The following GABRG3 variants were observed in gnomAD, a reference collection of about 807,000 sequenced individuals.
The protein encoded by GABRG3 is gamma-aminobutyric acid type A receptor subunit gamma3, also known as gamma-aminobutyric acid receptor subunit gamma-3.
In GABRG3, 25 loss-of-function variants were observed where a neutral mutation model predicts 48.8. That is an observed-to-expected ratio of 0.51 (90% CI 0.37 to 0.72). GABRG3 has a LOEUF of 0.72. Among genes scored for constraint, GABRG3 ranks in the 30% least tolerant of loss-of-function variants. GABRG3 has a pLI of 0.00. For missense variants in GABRG3, 394 were observed against 577.9 expected (o/e 0.68, Z 3.26); for synonymous variants, 227 against 217.6 (o/e 1.04, Z -0.38).
At chr15:27,023,264 C>A (rs1252809093) in intron 2 of GABRG3, among the ~76,000 whole-genome samples, 2 of 152,062 alleles carry the variant, frequency 1.3e-5, no homozygotes, top group Non-Finnish European at 2.9e-5. Context: ...CCTTCATATC[C>A]CCATCTTTCT....
At chr15:27,245,859 C>CA (rs1890253854) in intron 3 of GABRG3, among the ~76,000 whole-genome samples, 1 of 152,106 alleles carries the variant, frequency 6.6e-6, no homozygotes, top group East Asian at 1.9e-4. Flanking sequence ...ATCTCAAAAA[C>CA]AAAAACAGAA....
chr15:27,386,979 T>C (rs111738455), intron 5 of GABRG3, among the ~76,000 whole-genome samples: 1 of 152,226 alleles, frequency 6.6e-6, no homozygotes, highest in Non-Finnish European at 1.5e-5. Flanking sequence ...TTACTGTGCA[T>C]ATAAAAGTTG....
intron 5 of GABRG3, among the ~76,000 whole-genome samples, chr15:27,476,670 T>G (rs899025026): frequency 1.3e-5 from 2 of 151,792 alleles, no homozygotes; most frequent in African/African-American, 4.8e-5. Flanking sequence ...TATACAGAAA[T>G]GAATATACCT....
At chr15:27,489,399 C>T (rs547440141) in intron 6 of GABRG3, among the ~76,000 whole-genome samples, 25 of 152,204 alleles carry the variant, frequency 1.6e-4, no homozygotes, top group African/African-American at 4.3e-4. Flanking sequence ...TACCCAGTTA[C>T]GGGATTGCTG....
At chr15:27,293,984 A>T (rs2140488294) in intron 3 of GABRG3, among the ~76,000 whole-genome samples, 1 of 152,304 alleles carries the variant, frequency 6.6e-6, no homozygotes. Context: ...ATGGTAAAAC[A>T]AAATAAGCAG....
At chr15:27,317,641 G>A (rs186878543) in intron 3 of GABRG3, among the ~76,000 whole-genome samples, 13 of 152,292 alleles carry the variant, frequency 8.5e-5, no homozygotes, top group Admixed American at 2.6e-4. Context: ...AGGGTAAAAC[G>A]TGATTTGACA....
At chr15:27,008,048 C>T (rs1476422055) in intron 2 of GABRG3, among the ~76,000 whole-genome samples, 1 of 152,162 alleles carries the variant, frequency 6.6e-6, no homozygotes. Context: ...AAACATACTA[C>T]AGCTAGTGTT....
chr15:27,213,171 C>G (rs1440784378), intron 3 of GABRG3, among the ~76,000 whole-genome samples: 2 of 152,154 alleles, frequency 1.3e-5, no homozygotes, highest in African/African-American at 4.8e-5. Flanking sequence ...TAAAACTCCT[C>G]AGTGACAAAA....
chr15:27,497,637 T>G (rs1890519014), intron 6 of GABRG3, among the ~76,000 whole-genome samples: 1 of 152,242 alleles, frequency 6.6e-6, no homozygotes, highest in Non-Finnish European at 1.5e-5. Flanking sequence ...TATGTATTAT[T>G]TTAATTGGCA....
intron 3 of GABRG3, among the ~76,000 whole-genome samples, chr15:27,250,535 T>C (rs1890421612): frequency 1.3e-5 from 2 of 152,136 alleles, no homozygotes; most frequent in Admixed American, 1.3e-4. Context: ...CAAGCGATTC[T>C]CCTGCCTCAG....
At chr15:27,445,049 T>G (rs1385650995) in intron 5 of GABRG3, among the ~76,000 whole-genome samples, 2 of 152,120 alleles carry the variant, frequency 1.3e-5, no homozygotes, top group Non-Finnish European at 2.9e-5. Flanking sequence ...TTTTTTGTAT[T>G]TTTAGTAGAG....
chr15:27,096,252 C>A, intron 3 of GABRG3, among the ~76,000 whole-genome samples: 1 of 152,172 alleles, frequency 6.6e-6, no homozygotes, highest in African/African-American at 2.4e-5. Context: ...CCAGGCTCAG[C>A]GCTGCTGAGG....
chr15:27,105,842 G>T (rs1474728627), intron 3 of GABRG3, among the ~76,000 whole-genome samples: 1 of 152,034 alleles, frequency 6.6e-6, no homozygotes, highest in Non-Finnish European at 1.5e-5. Flanking sequence ...TCATTATAGC[G>T]TATCCACAAT....
intron 3 of GABRG3, among the ~76,000 whole-genome samples, chr15:27,194,594 C>G (rs1888435296): frequency 6.6e-6 from 1 of 152,176 alleles, no homozygotes; most frequent in Admixed American, 6.5e-5. Flanking sequence ...CAATTTCCTT[C>G]TAGCATTCAT....
chr15:27,186,760 ATGT>A (rs1271590656), intron 3 of GABRG3, among the ~76,000 whole-genome samples: 7 of 152,074 alleles, frequency 4.6e-5, no homozygotes, highest in Non-Finnish European at 8.8e-5. Flanking sequence ...ATTACAAGTG[ATGT>A]TGGGCATTTT....
chr15:27,401,584 C>G (rs1163721776), intron 5 of GABRG3, among the ~76,000 whole-genome samples: 2 of 152,164 alleles, frequency 1.3e-5, no homozygotes, highest in African/African-American at 4.8e-5. Flanking sequence ...CTCTCTCACT[C>G]CCTTACCCCT....
chr15:27,509,996 TTGCCC>T (rs1481334622), intron 6 of GABRG3, among the ~76,000 whole-genome samples: 3 of 152,228 alleles, frequency 2.0e-5, no homozygotes, highest in Non-Finnish European at 4.4e-5. Flanking sequence ...GCCTTTCATT[TTGCCC>T]TGCTTTTAGT....
At chr15:27,019,359 C>A (rs530439593) in intron 2 of GABRG3, among the ~76,000 whole-genome samples, 1 of 152,034 alleles carries the variant, frequency 6.6e-6, no homozygotes, top group Non-Finnish European at 1.5e-5. Context: ...CATGAGCCAC[C>A]GCGCCCAGCC....
In GABRG3 at chr15:27,328,761, C is replaced by G. The variant is rs764799683; in HGVS notation, c.492-45C>G. 7 of 1,566,640 alleles carry G rather than the reference C, an allele frequency of 4.5e-6. No individual in the cohort carries two copies. In the South Asian group the frequency reaches 7.8e-5, roughly 17 times the overall value. On this transcript the variant is annotated intron_variant, in intron 4 of 9. Coordinates refer to ENST00000615808, the MANE Select transcript of GABRG3 (RefSeq NM_033223.5). ...GTGCCGTAACGGCCGCCGGCCTTGC[C>G]CTGTGCTGTGTGCTGAGCTAGACTG...
Sources: allele counts gnomAD v4.1 joint callset (sites outside exome capture counted in the v4.1 genomes callset), GRCh38; gene constraint gnomAD v4.1.1; transcripts MANE v1.5; gene names NCBI Gene and HGNC (gene_info 2026-07-23, HGNC 2026-07-21).